Variants in FOXP1 observed in about 807,000 individuals in gnomAD.
The protein encoded by FOXP1 is forkhead box P1.
A neutral mutation model predicts 98.2 loss-of-function variants in FOXP1; 15 were observed. The ratio of observed to expected loss-of-function variants is 0.15; its 90% CI spans 0.10 to 0.24. The LOEUF is 0.24. Ranked by LOEUF, FOXP1 falls within the 10% of genes least tolerant of loss-of-function variation. The pLI is 1.00. For missense variants in FOXP1, 633 were observed against 848.5 expected (o/e 0.75, Z 3.15); for synonymous variants, 371 against 314.5 (o/e 1.18, Z -1.90).
At chr3:71,575,879 C>T (rs1000965184) in intron 2 of FOXP1, among the ~76,000 whole-genome samples, 3 of 152,188 alleles carry the variant, frequency 2.0e-5, no homozygotes, top group Non-Finnish European at 2.9e-5. Flanking sequence ...AAGGACACCT[C>T]GGAAATTCAG....
At chr3:71,287,173 C>A (rs571898246) in intron 5 of FOXP1, among the ~76,000 whole-genome samples, 1 of 151,956 alleles carries the variant, frequency 6.6e-6, no homozygotes, top group African/African-American at 2.4e-5. Flanking sequence ...TTTAAATATG[C>A]CATATATAAG....
intron 6 of FOXP1, among the ~76,000 whole-genome samples, chr3:71,172,765 T>C (rs916219586): frequency 1.3e-5 from 2 of 152,188 alleles, no homozygotes; most frequent in African/African-American, 4.8e-5. Context: ...TTTTTACTTG[T>C]TGCTGGGAAA....
At chr3:71,410,771 T>C (rs1193522983) in intron 3 of FOXP1, among the ~76,000 whole-genome samples, 1 of 152,246 alleles carries the variant, frequency 6.6e-6, no homozygotes, top group Non-Finnish European at 1.5e-5. Context: ...CCTTACCTTT[T>C]CAAAGTTGAA....
At chr3:71,511,721 A>C (rs1335318836) in intron 2 of FOXP1, among the ~76,000 whole-genome samples, 1 of 152,182 alleles carries the variant, frequency 6.6e-6, no homozygotes, top group Non-Finnish European at 1.5e-5. Context: ...CACTTATAGC[A>C]ATCCTTTTTT....
At chr3:71,448,085 C>T (rs569948770) in intron 3 of FOXP1, among the ~76,000 whole-genome samples, 21 of 152,264 alleles carry the variant, frequency 1.4e-4, no homozygotes, top group Admixed American at 8.5e-4. Flanking sequence ...GCTTCCCTGC[C>T]GAGGAATGTG....
At chr3:71,447,376 C>A (rs2086545839) in intron 3 of FOXP1, among the ~76,000 whole-genome samples, 2 of 152,184 alleles carry the variant, frequency 1.3e-5, no homozygotes, top group African/African-American at 2.4e-5. Flanking sequence ...TGGCCTGAGT[C>A]AGGGAGGAAC....
At position 70,988,015 on chromosome 3, in the gene FOXP1, T is replaced by C. The variant is rs1382652596; in HGVS notation, c.1125A>G (p.Glu375=). The C allele has an allele frequency of 6.2e-7, 1 of 1,613,962 alleles. No homozygotes were observed. Among genetic ancestry groups the C allele is most frequent in the African/African-American group, 1.3e-5 (1 of 74,908 alleles). Residue 375 remains glutamate (E), a synonymous_variant, in exon 14 of 21, where the codon GAA becomes GAG. Coordinates refer to ENST00000649528, the MANE Select transcript of FOXP1 (RefSeq NM_001349338.3). ...TTACGGGCTGAGGGGCGGCTTTGGGTTCTGTAGACTTCACATGCAGGTGGG... is the reference window on the plus strand; with the variant it reads ...TTACGGGCTGAGGGGCGGCTTTGGGCTCTGTAGACTTCACATGCAGGTGGG... ...MMTHLHVKST[E]PKAAPQPLNL...
intron 5 of FOXP1, among the ~76,000 whole-genome samples, chr3:71,204,137 G>A (rs1035302144): frequency 6.6e-6 from 1 of 152,162 alleles, no homozygotes; most frequent in African/African-American, 2.4e-5. Flanking sequence ...TCTAAGAGAG[G>A]TACTTTTAAA....
intron 5 of FOXP1, among the ~76,000 whole-genome samples, chr3:71,284,831 A>G (rs1295581406): frequency 3.3e-5 from 5 of 152,084 alleles, no homozygotes; most frequent in Non-Finnish European, 1.5e-5. Context: ...CTATATGTAC[A>G]TTCCATTAAA....
intron 3 of FOXP1, among the ~76,000 whole-genome samples, chr3:71,411,685 G>A (rs1411192379): frequency 6.6e-6 from 1 of 152,188 alleles, no homozygotes; most frequent in South Asian, 2.1e-4. Context: ...AAAGCCTCTC[G>A]TAGAAAAGGA....
At chr3:71,540,950 G>C (rs1259716874) in intron 2 of FOXP1, among the ~76,000 whole-genome samples, 1 of 152,212 alleles carries the variant, frequency 6.6e-6, no homozygotes, top group Admixed American at 6.5e-5. Context: ...TTAACAAAAA[G>C]GTTACAAATA....
chr3:71,304,183 C>G (rs933981851), intron 4 of FOXP1, among the ~76,000 whole-genome samples: 2 of 152,160 alleles, frequency 1.3e-5, no homozygotes, highest in Non-Finnish European at 2.9e-5. Context: ...AAACCCCAGT[C>G]GATGCTTGCC....
intron 6 of FOXP1, among the ~76,000 whole-genome samples, chr3:71,151,143 G>A (rs1031382429): frequency 6.6e-6 from 1 of 152,166 alleles, no homozygotes; most frequent in African/African-American, 2.4e-5. Context: ...ACTCATCTGA[G>A]TCTCAGCCTT....
At chr3:71,504,154 A>G (rs947751212) in intron 2 of FOXP1, among the ~76,000 whole-genome samples, 1 of 152,126 alleles carries the variant, frequency 6.6e-6, no homozygotes, top group Admixed American at 6.6e-5. Context: ...GAACAATACT[A>G]TGTCATAATT....
chr3:71,523,325 T>C (rs1044545378), intron 2 of FOXP1, among the ~76,000 whole-genome samples: 1 of 152,182 alleles, frequency 6.6e-6, no homozygotes, highest in African/African-American at 2.4e-5. Context: ...TTTCTGGTGT[T>C]AAAGCCAGAG....
intron 6 of FOXP1, among the ~76,000 whole-genome samples, chr3:71,142,372 G>A (rs974577678): frequency 2.0e-5 from 3 of 152,186 alleles, no homozygotes; most frequent in African/African-American, 7.2e-5. Context: ...GGGTTTTGTG[G>A]ATGTAATTAA....
chr3:71,050,100 A>C (rs544655141), intron 9 of FOXP1, among the ~76,000 whole-genome samples: 2 of 152,056 alleles, frequency 1.3e-5, no homozygotes, highest in Non-Finnish European at 2.9e-5. Context: ...TTTAGACACA[A>C]AGTGTTCTCC....
At chr3:71,232,583 T>C (rs910025879) in intron 5 of FOXP1, among the ~76,000 whole-genome samples, 6 of 151,186 alleles carry the variant, frequency 4.0e-5, no homozygotes, top group African/African-American at 1.5e-4. Context: ...GAATAGAAAC[T>C]CCGACAAAAA....
intron 6 of FOXP1, among the ~76,000 whole-genome samples, chr3:71,197,423 G>C (rs2063361928): frequency 6.6e-6 from 1 of 152,074 alleles, no homozygotes; most frequent in Non-Finnish European, 1.5e-5. Context: ...TCAACACTTT[G>C]ACAACAGAAC....
Sources: gnomAD v4.1 joint callset for allele counts (sites outside exome capture counted in the v4.1 genomes callset) on GRCh38, gnomAD v4.1.1 for gene constraint, MANE v1.5 for transcripts, NCBI Gene and HGNC (gene_info 2026-07-23, HGNC 2026-07-21) for gene names.